The following PCDH11Y variants were observed in gnomAD, a reference collection of about 807,000 sequenced individuals.
PCDH11Y encodes the protein protocadherin-11 Y-linked.
For missense variants in PCDH11Y, 12 were observed against 224.8 expected (o/e 0.05, Z 6.05); for synonymous variants, 9 against 83.6 (o/e 0.11, Z 4.87).
At chrY:5,217,460 A>C in intron 2 of PCDH11Y, among the ~76,000 whole-genome samples, 1 of 33,655 alleles carries the variant, frequency 3.0e-5, no homozygotes, top group Non-Finnish European at 7.3e-5. Context: ...GCTTTTAACT[A>C]TCAGATATCG....
At chrY:5,010,080 G>A (rs2052546154) in intron 1 of PCDH11Y, among the ~76,000 whole-genome samples, 1 of 29,609 alleles carries the variant, frequency 3.4e-5, no homozygotes, top group African/African-American at 1.3e-4. Context: ...CTTGCTGCGC[G>A]CCTGTACTCC....
intron 3 of PCDH11Y, among the ~76,000 whole-genome samples, chrY:5,534,520 G>T: frequency 3.0e-5 from 1 of 33,633 alleles, no homozygotes; most frequent in Non-Finnish European, 7.4e-5. Flanking sequence ...TTTCTGCAAA[G>T]AACATGATCT....
chrY:5,157,229 CTA>C (rs2052870460), intron 2 of PCDH11Y, among the ~76,000 whole-genome samples: 1 of 32,967 alleles, frequency 3.0e-5, no homozygotes, highest in African/African-American at 1.2e-4. Flanking sequence ...CAGTGAATAA[CTA>C]TTGCTAAATG....
chrY:5,404,754 A>T, intron 2 of PCDH11Y, among the ~76,000 whole-genome samples: 2 of 34,117 alleles, frequency 5.9e-5, no homozygotes, highest in Non-Finnish European at 1.5e-4. Context: ...CATAGCAAAG[A>T]TATGTCTAGT....
intron 3 of PCDH11Y, among the ~76,000 whole-genome samples, chrY:5,523,577 A>G (rs2124690560): frequency 3.3e-5 from 1 of 30,171 alleles, no homozygotes; most frequent in East Asian, 8.4e-4. Flanking sequence ...GCTTTCTGGT[A>G]GGCATCTGTT....
chrY:5,281,640 C>A (rs2124660805), intron 2 of PCDH11Y, among the ~76,000 whole-genome samples: 14 of 31,158 alleles, frequency 4.5e-4, no homozygotes, highest in African/African-American at 1.7e-3. Flanking sequence ...AAACAAAAAA[C>A]AACAAAGCAG....
chrY:5,212,579 T>C (rs2052940521), intron 2 of PCDH11Y, among the ~76,000 whole-genome samples: 1 of 32,249 alleles, frequency 3.1e-5, no homozygotes, highest in Non-Finnish European at 7.6e-5. Context: ...AAGCCAATTC[T>C]TTTTAGAAGT....
chrY:5,243,443 G>T, intron 2 of PCDH11Y, among the ~76,000 whole-genome samples: 1 of 28,555 alleles, frequency 3.5e-5, no homozygotes, highest in Admixed American at 2.8e-4. Flanking sequence ...TCCGGAGTCA[G>T]TAAACTATGA....
chrY:5,125,924 A>G (rs2124640591), intron 2 of PCDH11Y, among the ~76,000 whole-genome samples: 1 of 33,781 alleles, frequency 3.0e-5, no homozygotes, highest in East Asian at 7.9e-4. Context: ...GAACAAAATA[A>G]GGGATAAGGG....
chrY:5,179,292 G>GT (rs2052897320), intron 2 of PCDH11Y, among the ~76,000 whole-genome samples: 27 of 32,955 alleles, frequency 8.2e-4, no homozygotes, highest in South Asian at 6.8e-4. Flanking sequence ...AGCATCTGTT[G>GT]TTTTTTGAAT....
intron 2 of PCDH11Y, among the ~76,000 whole-genome samples, chrY:5,131,608 T>A: frequency 3.0e-5 from 1 of 33,170 alleles, no homozygotes; most frequent in Non-Finnish European, 7.4e-5. Flanking sequence ...TAAAAATATC[T>A]CCCTGTTATA....
At chrY:5,199,050 G>A in intron 2 of PCDH11Y, among the ~76,000 whole-genome samples, 1 of 32,944 alleles carries the variant, frequency 3.0e-5, no homozygotes, top group African/African-American at 1.2e-4. Context: ...GAATAACTAA[G>A]AGTTATATAA....
At chrY:5,453,754 G>A in intron 2 of PCDH11Y, among the ~76,000 whole-genome samples, 1 of 31,210 alleles carries the variant, frequency 3.2e-5, no homozygotes, top group African/African-American at 1.3e-4. Context: ...TAAATAGCCA[G>A]ATCTGACAAG....
chrY:5,321,006 T>TTG (rs2053112194), intron 2 of PCDH11Y, among the ~76,000 whole-genome samples: 1 of 32,837 alleles, frequency 3.0e-5, no homozygotes, highest in African/African-American at 1.2e-4. Context: ...GTGTATGTGT[T>TTG]TGTGTGTGTG....
chrY:5,730,365 CT>C (rs35141382), intron 4 of PCDH11Y, among the ~76,000 whole-genome samples: 39 of 29,023 alleles, frequency 1.3e-3, no homozygotes, highest in African/African-American at 5.2e-3. Context: ...TTATTCCTAG[CT>C]TTTTTTTTTG....
At chrY:5,552,863 C>A (rs2053419764) in intron 3 of PCDH11Y, among the ~76,000 whole-genome samples, 1 of 30,823 alleles carries the variant, frequency 3.2e-5, no homozygotes, top group Admixed American at 3.1e-4. Flanking sequence ...CTCCTCCATT[C>A]TTTTCCTCTC....
chrY:5,089,174 C>T, intron 1 of PCDH11Y, among the ~76,000 whole-genome samples: 1 of 32,330 alleles, frequency 3.1e-5, no homozygotes, highest in African/African-American at 1.2e-4. Context: ...ATCCCATACT[C>T]CCCATTCCTT....
chrY:5,194,482 C>T (rs2052916532), intron 2 of PCDH11Y, among the ~76,000 whole-genome samples: 1 of 28,915 alleles, frequency 3.5e-5, no homozygotes, highest in African/African-American at 1.4e-4. Flanking sequence ...AAGGGATCAT[C>T]GTGTTTGGCA....
intron 2 of PCDH11Y, among the ~76,000 whole-genome samples, chrY:5,282,644 G>A: frequency 3.1e-5 from 1 of 31,861 alleles, no homozygotes; most frequent in African/African-American, 1.2e-4. Flanking sequence ...CTTCTCTCAG[G>A]CCTATTTTAA....
Sources: allele counts gnomAD v4.1 joint callset (sites outside exome capture counted in the v4.1 genomes callset), GRCh38; gene constraint gnomAD v4.1.1; transcripts MANE v1.5; gene names NCBI Gene and HGNC (gene_info 2026-07-23, HGNC 2026-07-21).